The following DHRS4 variants were observed in gnomAD, a reference collection of about 807,000 sequenced individuals.
DHRS4 encodes dehydrogenase/reductase SDR family member 4.
Under a neutral mutation model 28.4 loss-of-function variants are expected in DHRS4, and 20 were observed. The ratio of observed to expected loss-of-function variants is 0.71; its 90% confidence interval spans 0.50 to 1.02. The LOEUF is 1.02. Among genes scored for constraint, DHRS4 ranks in the 50% least tolerant of loss-of-function variants. The pLI, the probability that DHRS4 is intolerant of heterozygous loss-of-function variation, is 0.00. For missense variants in DHRS4, 378 were observed against 367.2 expected (o/e 1.03, Z -0.24); for synonymous variants, 144 against 146.4 (o/e 0.98, Z 0.12).
intron 3 of DHRS4, among the ~76,000 whole-genome samples, chr14:23,962,888 C>CT (rs1442729092): frequency 1.4e-5 from 2 of 147,230 alleles, no homozygotes; most frequent in Admixed American, 6.7e-5. Context: ...GAATTACCCC[C>CT]GATCCATGGG....
intron 7 of DHRS4, 53 bp from the exon 8 acceptor site, chr14:23,968,704 G>C: frequency 1.3e-6 from 2 of 1,596,332 alleles, no homozygotes; most frequent in Middle Eastern, 1.7e-4. Flanking sequence ...CCCAGGTGAG[G>C]GAGGCAGAAC....
At chr14:23,955,680 C>T (rs1275034579) in intron 2 of DHRS4, among the ~76,000 whole-genome samples, 5 of 152,042 alleles carry the variant, frequency 3.3e-5, no homozygotes. Context: ...AAGGCAAGGA[C>T]TATTCTCTCA....
chr14:23,957,954 A>G (rs1465519160), intron 2 of DHRS4, among the ~76,000 whole-genome samples: 1 of 151,236 alleles, frequency 6.6e-6, no homozygotes, highest in African/African-American at 2.4e-5. Context: ...GGTATACAGC[A>G]GAGTAGAAAA....
intron 2 of DHRS4, 134 bp from the exon 3 acceptor site, chr14:23,959,768 C>A (rs1468865381): frequency 1.1e-5 from 11 of 1,041,274 alleles, no homozygotes; most frequent in Non-Finnish European, 1.6e-5. Flanking sequence ...AGCCTCCCAC[C>A]TTGGCCTCCC....
At chr14:23,962,889 G>A (rs576800671) in intron 3 of DHRS4, among the ~76,000 whole-genome samples, 18 of 147,114 alleles carry the variant, frequency 1.2e-4, no homozygotes, top group Middle Eastern at 3.4e-3. Context: ...AATTACCCCC[G>A]ATCCATGGGC....
At chr14:23,967,097 T>C (rs926560566) in intron 6 of DHRS4, 114 bp from the exon 7 acceptor site, 48 of 1,317,630 alleles carry the variant, frequency 3.6e-5, no homozygotes, top group Non-Finnish European at 4.7e-5. Context: ...GAGTTTGCAG[T>C]GAGCCAAGAT....
chr14:23,964,984 G>T (rs1410752305), intron 3 of DHRS4, among the ~76,000 whole-genome samples: 2 of 150,732 alleles, frequency 1.3e-5, no homozygotes, highest in Non-Finnish European at 1.5e-5. Context: ...AGTTTCAATG[G>T]TTCATTTAAA....
In DHRS4 at chr14:23,955,225, G is replaced by A. The variant is rs1566467672; in HGVS notation, c.306+13G>A. 1 of 1,610,114 alleles carries A rather than the reference G, an allele frequency of 6.2e-7. No individual in the cohort carries two copies. The highest frequency in any genetic ancestry group is 1.1e-5 in the South Asian group (1 of 90,634). Reference sequence around the variant, plus strand: ...GCTGGTGGCCACGGTGAGCTGCAGGGAAATGGGCACAGAGCCAGGAGGTGG... The same window carrying A: ...GCTGGTGGCCACGGTGAGCTGCAGGAAAATGGGCACAGAGCCAGGAGGTGG... On this transcript the variant is annotated intron_variant, in intron 2 of 7. Coordinates refer to ENST00000313250, the MANE Select transcript of DHRS4 (RefSeq NM_021004.4).
rs1351109112 is a variant in DHRS4, at chr14:23,961,810, G to C, written c.408+1807G>C. 4.9e-5 allele frequency among the ~76,000 whole-genome samples: 7 copies of C among 141,710 alleles called. 1 individual carries two copies. Among genetic ancestry groups the C allele is most frequent in the Non-Finnish European group, 9.1e-5 (6 of 65,962 alleles). The allele number at this position is 141,710 out of a possible 152,430, so 93.0% of individuals were successfully genotyped here. A position where few individuals can be genotyped will look rare whatever the true frequency, so the allele number is the denominator to read the frequency against. On this transcript the variant is annotated intron_variant, in intron 3 of 7. Transcript: ENST00000313250. ...TTGCAGGCATGAGCCACCACACACA[G>C]CCAGATTCTGATAGTCTTTAAAATA... is the stretch of plus-strand genomic sequence containing the variant.
chr14:23,966,265 A>G lies in DHRS4; in HGVS notation c.532-18A>G, dbSNP rs1566477279. On this transcript the variant is annotated intron_variant, in intron 5 of 7. Coordinates refer to ENST00000313250, the MANE Select transcript of DHRS4 (RefSeq NM_021004.4). ...GACCTGGAAACTATGAGTCTAACAC[A>G]TTCTCTTCTTTCTCCAGGGCTTCAG... 6.2e-7 allele frequency: 1 copy of G among 1,607,850 alleles called. No individual in the cohort carries two copies. The highest frequency in any genetic ancestry group is 8.5e-7 in the Non-Finnish European group (1 of 1,176,922).
chr14:23,958,243 A>G (rs1388086752), intron 2 of DHRS4, among the ~76,000 whole-genome samples: 4 of 152,156 alleles, frequency 2.6e-5, no homozygotes, highest in Non-Finnish European at 2.9e-5. Flanking sequence ...TCAACTGTCT[A>G]GAAACAACTG....
intron 2 of DHRS4, among the ~76,000 whole-genome samples, 190 bp downstream of exon 2, chr14:23,955,402 A>G (rs963643699): frequency 1.3e-4 from 20 of 152,256 alleles, no homozygotes; most frequent in Non-Finnish European, 1.9e-4. Flanking sequence ...TCAACCCTGC[A>G]TCATCCCTTG....
chr14:23,955,199 G>C lies in DHRS4; in HGVS notation c.293G>C (p.Arg98Pro). The change falls in exon 2 of 8, where the codon CGG becomes CCG. Residue 98 changes from arginine (R) to proline (P), a missense_variant. By Grantham distance (103) the Arg-to-Pro change is moderately radical. Coordinates refer to ENST00000313250, the MANE Select transcript of DHRS4 (RefSeq NM_021004.4). ...GTGGGGAAGGCGGAGGACCGGGAGC[G>C]GCTGGTGGCCACGGTGAGCTGCAGG... ...CHVGKAEDRE[R>P]LVATAVKLHG... is the part of the protein sequence containing the mutation. The C allele has an allele frequency of 6.2e-7, 1 of 1,613,220 alleles. No individual in the cohort carries two copies. Among genetic ancestry groups the C allele is most frequent in the South Asian group, 1.1e-5 (1 of 90,960 alleles).
At chr14:23,953,943 G>T in intron 1 of DHRS4, 27 bp downstream of exon 1, 1 of 1,559,898 alleles carries the variant, frequency 6.4e-7, no homozygotes, top group African/African-American at 1.4e-5. Context: ...GAGTTTCTGA[G>T]GCCCTGGCTG....
chr14:23,964,086 TAAC>T (rs1378601000), intron 3 of DHRS4, among the ~76,000 whole-genome samples: 1 of 150,714 alleles, frequency 6.6e-6, no homozygotes, highest in East Asian at 1.9e-4. Context: ...CAGATCACCG[TAAC>T]AGATACAATA....
At chr14:23,962,899 C>T (rs1274705431) in intron 3 of DHRS4, among the ~76,000 whole-genome samples, 3 of 146,522 alleles carry the variant, frequency 2.0e-5, no homozygotes, top group Admixed American at 1.3e-4. Context: ...GATCCATGGG[C>T]TGCAGAATGG....
At chr14:23,964,874 G>A (rs1398509825) in intron 3 of DHRS4, among the ~76,000 whole-genome samples, 1 of 150,580 alleles carries the variant, frequency 6.6e-6, no homozygotes, top group Non-Finnish European at 1.5e-5. Flanking sequence ...ACCATGCCCA[G>A]CCCTGAGTTT....
intron 2 of DHRS4, among the ~76,000 whole-genome samples, 186 bp from the exon 3 acceptor site, chr14:23,959,716 G>A (rs542500197): frequency 2.3e-4 from 35 of 151,794 alleles, no homozygotes; most frequent in East Asian, 1.2e-3. Flanking sequence ...ATAAGGTCTC[G>A]CTGCATGGCC....
intron 3 of DHRS4, among the ~76,000 whole-genome samples, chr14:23,965,067 C>G (rs1458088119): frequency 6.6e-6 from 1 of 151,758 alleles, no homozygotes; most frequent in Non-Finnish European, 1.5e-5. Context: ...TGAAGGATAT[C>G]TAGACATTCA....
Sources: allele counts gnomAD v4.1 joint callset (sites outside exome capture counted in the v4.1 genomes callset), GRCh38; gene constraint gnomAD v4.1.1; transcripts MANE v1.5; gene names NCBI Gene and HGNC (gene_info 2026-07-23, HGNC 2026-07-21).